ZBTB46: variants seen among roughly 807,000 people sequenced by gnomAD.
ZBTB46 encodes zinc finger and BTB domain containing 46, also known as zinc finger and BTB domain-containing protein 46.
A neutral mutation model predicts 44.1 loss-of-function variants in ZBTB46; 8 were observed. That is an observed-to-expected ratio of 0.18 (90% CI 0.11 to 0.33). The LOEUF is 0.33. ZBTB46 is among the 10% of genes least tolerant of loss of function. ZBTB46 has a pLI of 1.00. For missense variants in ZBTB46, 651 were observed against 847.7 expected, an observed-to-expected ratio of 0.77 and a Z score of 2.88; for synonymous variants, 409 against 382.3, an observed-to-expected ratio of 1.07 and a Z score of -0.81.
At chr20:63,784,382 C>T (rs935903425) in intron 2 of ZBTB46, among the ~76,000 whole-genome samples, 4 of 152,216 alleles carry the variant, frequency 2.6e-5, no homozygotes, top group Admixed American at 2.0e-4. Flanking sequence ...CTGGAGCTCC[C>T]GCAGTTCTGA....
At chr20:63,773,174 C>G (rs1290595296) in intron 3 of ZBTB46, among the ~76,000 whole-genome samples, 1 of 151,446 alleles carries the variant, frequency 6.6e-6, no homozygotes, top group Non-Finnish European at 1.5e-5. Context: ...GGAGGGCTGT[C>G]AGACGCAGAA....
chr20:63,766,896 G>A (rs1044757618), intron 3 of ZBTB46, among the ~76,000 whole-genome samples: 2 of 152,292 alleles, frequency 1.3e-5, no homozygotes, highest in South Asian at 4.1e-4. Context: ...GGGCTCCCCC[G>A]ACACGCCACC....
At chr20:63,773,607 G>A (rs990194887) in intron 3 of ZBTB46, among the ~76,000 whole-genome samples, 2 of 152,066 alleles carry the variant, frequency 1.3e-5, no homozygotes, top group Non-Finnish European at 2.9e-5. Context: ...GGGGAGGGTA[G>A]TGAGGGAGGC....
chr20:63,749,929 G>A (rs1276604991), intron 4 of ZBTB46, among the ~76,000 whole-genome samples: 1 of 152,236 alleles, frequency 6.6e-6, no homozygotes, highest in Non-Finnish European at 1.5e-5. Context: ...GAAGGAAGAC[G>A]GGACACCTTG....
At chr20:63,826,135 G>C (rs913244) in intron 1 of ZBTB46, among the ~76,000 whole-genome samples, 2,004 of 152,352 alleles carry the variant, frequency 0.013, 46 homozygotes, top group South Asian at 0.088. Context: ...TGTGCAAGAG[G>C]CTTCATTTTC....
intron 4 of ZBTB46, among the ~76,000 whole-genome samples, chr20:63,751,833 T>A (rs1161204161): frequency 1.5e-5 from 2 of 129,580 alleles, no homozygotes; most frequent in East Asian, 4.7e-4. Flanking sequence ...CGCCCCCCGG[T>A]GGGTCTCCCA....
chr20:63,747,597 C>T (rs1370821299), intron 4 of ZBTB46, among the ~76,000 whole-genome samples: 1 of 145,826 alleles, frequency 6.9e-6, no homozygotes, highest in East Asian at 2.2e-4. Context: ...CCTCCCGGGC[C>T]CTCCGAGTGT....
At chr20:63,755,741 C>T (rs4809335) in intron 3 of ZBTB46, among the ~76,000 whole-genome samples, 93,508 of 152,058 alleles carry the variant, frequency 0.61, 29,148 homozygotes, top group South Asian at 0.76. Context: ...TTGTGATTTA[C>T]AGTCTATATA....
intron 1 of ZBTB46, among the ~76,000 whole-genome samples, chr20:63,829,359 T>G (rs746581046): frequency 5.2e-5 from 8 of 152,382 alleles, no homozygotes; most frequent in South Asian, 2.1e-4. Context: ...ACGTTCAGGA[T>G]AATGCTGTCA....
rs190670476 is a variant in ZBTB46 at position 63,752,666 on chromosome 20, C to A, written c.1398+20G>T. The A allele has an allele frequency of 7.9e-6, 12 of 1,522,428 alleles. No individual in the cohort carries two copies. The Admixed American group carries it at 1.9e-4, about 25-fold the overall frequency. The allele number at this position is 1,522,428 out of a possible 1,614,324, so 94.3% of individuals were successfully genotyped here. On this transcript the variant is annotated intron_variant, in intron 4 of 4. Transcript: ENST00000245663. The surrounding 1 kb of genome is among the most constrained non-coding windows in gnomAD (Gnocchi z 5.6). ...GTGGCCACGCGCAGCGCGCGGCACG[C>A]GGACCCTCCCCGCACTCACCAGCGT...
At chr20:63,808,016 G>A (rs1210608091) in intron 1 of ZBTB46, 1 of 152,506 alleles carries the variant, frequency 6.6e-6, no homozygotes, top group Non-Finnish European at 1.5e-5. Flanking sequence ...GAAGCTGAAC[G>A]GACCTTCCCA....
At chr20:63,820,660 G>A (rs944379303) in intron 1 of ZBTB46, among the ~76,000 whole-genome samples, 14 of 151,252 alleles carry the variant, frequency 9.3e-5, no homozygotes, top group Non-Finnish European at 1.0e-4. Flanking sequence ...TCGAACTCCC[G>A]ACCTCAGGTG....
chr20:63,801,941 G>A (rs1228683624), intron 1 of ZBTB46, among the ~76,000 whole-genome samples: 1 of 152,116 alleles, frequency 6.6e-6, no homozygotes, highest in Non-Finnish European at 1.5e-5. Flanking sequence ...CCTCAATAAA[G>A]GATTAGTTTT....
At chr20:63,789,722 T>A in intron 2 of ZBTB46, 99 bp downstream of exon 2, 23 of 1,504,460 alleles carry the variant, frequency 1.5e-5, no homozygotes, top group Non-Finnish European at 1.6e-5. Flanking sequence ...AAGCCACCAG[T>A]GTGAGCCTGG....
intron 3 of ZBTB46, among the ~76,000 whole-genome samples, chr20:63,769,555 C>G (rs1333675298): frequency 6.6e-6 from 1 of 151,024 alleles, no homozygotes; most frequent in East Asian, 2.0e-4. Context: ...CTGGCCAACC[C>G]CAAATGCCCG....
At position 63,779,013 on chromosome 20, in the gene ZBTB46, TC is replaced by T. The variant is rs542904929; in HGVS notation, c.938-3052del. ...GCGGCAGGTGAGCCCTGGGGGCCCCTCCTCAGAGTCTGGGAGCAGAGTGGGT... is the reference window on the plus strand; with the variant it reads ...GCGGCAGGTGAGCCCTGGGGGCCCCTCTCAGAGTCTGGGAGCAGAGTGGGT... On this transcript the variant is annotated intron_variant, in intron 2 of 4. Transcript: ENST00000245663. 2.0e-5 allele frequency among the ~76,000 whole-genome samples: 3 copies of T among 152,198 alleles called. No individual in the cohort carries two copies. The East Asian group carries it at 5.8e-4, about 29-fold the overall frequency.
intron 2 of ZBTB46, among the ~76,000 whole-genome samples, chr20:63,779,235 TAA>T (rs2092449352): frequency 1.3e-5 from 2 of 150,524 alleles, no homozygotes; most frequent in South Asian, 2.1e-4. Context: ...TTTAATTAAT[TAA>T]TTAATTTATT....
At chr20:63,782,096 A>AAAAAAAAAAG (rs1386082316) in intron 2 of ZBTB46, among the ~76,000 whole-genome samples, 3 of 124,924 alleles carry the variant, frequency 2.4e-5, no homozygotes, top group Non-Finnish European at 3.4e-5. Flanking sequence ...CAAAAAAAAA[A>AAAAAAAAAAG]AAAAGAAAAG....
At chr20:63,796,050 C>T (rs572242938) in intron 1 of ZBTB46, among the ~76,000 whole-genome samples, 4 of 152,328 alleles carry the variant, frequency 2.6e-5, no homozygotes, top group South Asian at 4.1e-4. Flanking sequence ...TGGATAGATG[C>T]CTGTGTCGCA....
Sources: allele counts gnomAD v4.1 joint callset (sites outside exome capture counted in the v4.1 genomes callset), GRCh38; gene constraint gnomAD v4.1.1; non-coding constraint Gnocchi (gnomAD v3.1); transcripts MANE v1.5; gene names NCBI Gene and HGNC (gene_info 2026-07-23, HGNC 2026-07-21).